Variants in FAAH2 observed in about 807,000 individuals in gnomAD.
FAAH2 encodes the protein fatty acid amide hydrolase 2, also known as fatty-acid amide hydrolase 2.
FAAH2 carries 60 observed loss-of-function variants against 36.9 expected under a neutral mutation model. The ratio of observed to expected loss-of-function variants is 1.63; its 90% CI spans 1.32 to 2.02. The LOEUF (loss-of-function observed/expected upper bound fraction) is 2.02, where lower values mean the gene tolerates loss of function less well. Among genes scored for constraint, FAAH2 ranks in the 30% most tolerant of loss-of-function variants. The pLI, the probability that FAAH2 is intolerant of heterozygous loss-of-function variation, is 0.00. For synonymous variants in FAAH2, 214 were observed against 143.8 expected (o/e 1.49, Z -3.49); for missense variants, 689 against 397.5 (o/e 1.73, Z -6.23).
At position 57,378,669 on chromosome X, in the gene FAAH2, G is replaced by T. The variant is rs139284839; in HGVS notation, c.761G>T (p.Gly254Val). Residue 254 changes from glycine (G) to valine (V), a missense_variant, in exon 6 of 11, where the codon GGT becomes GTT. Transcript: ENST00000374900. ...KPSPGVVPNK[G>V]QFPLAVGAQE... ...CTTTCAGGTGTGGTTCCCAACAAAG[G>T]TCAGTTTCCCTTGGCTGTGGGAGCC... The T allele has an allele frequency of 3.3e-6, 4 of 1,209,353 alleles. No individual in the cohort carries two copies. In the African/African-American group the frequency reaches 7.0e-5, roughly 21 times the overall value.
chrX:57,354,774 G>A (rs2054119218), intron 5 of FAAH2, among the ~76,000 whole-genome samples: 1 of 110,464 alleles, frequency 9.1e-6, no homozygotes. Context: ...TTGCTAATGA[G>A]ATTCTAGGTA....
At chrX:57,406,917 G>A (rs1484015919) in intron 7 of FAAH2, among the ~76,000 whole-genome samples, 3 of 112,821 alleles carry the variant, frequency 2.7e-5, no homozygotes, top group Non-Finnish European at 5.6e-5. Context: ...AAAAGCCTTG[G>A]CTGCATCTGT....
the FAAH2 span, among the ~76,000 whole-genome samples, chrX:57,261,894 G>T: frequency 9.0e-6 from 1 of 111,273 alleles, no homozygotes; most frequent in South Asian, 3.7e-4. Flanking sequence ...TTGCAAGAAA[G>T]AAATTAGAAT....
At chrX:57,227,199 C>T in the FAAH2 span, among the ~76,000 whole-genome samples, 2 of 110,510 alleles carry the variant, frequency 1.8e-5, no homozygotes, top group South Asian at 3.9e-4. Flanking sequence ...CTGGTGAACT[C>T]GGGTCGGGGG....
intron 10 of FAAH2, among the ~76,000 whole-genome samples, chrX:57,451,516 G>T (rs1237378728): frequency 9.0e-6 from 1 of 111,634 alleles, no homozygotes; most frequent in Non-Finnish European, 1.9e-5. Context: ...AGAAAACAAA[G>T]GAAGGCTTTC....
chrX:57,317,118 C>A (rs931086993), intron 3 of FAAH2, among the ~76,000 whole-genome samples: 1 of 111,389 alleles, frequency 9.0e-6, no homozygotes, highest in Non-Finnish European at 1.9e-5. Context: ...AGACAAGTGG[C>A]CAACAAATAT....
intron 5 of FAAH2, among the ~76,000 whole-genome samples, chrX:57,364,027 T>C (rs1452982028): frequency 1.1e-5 from 1 of 93,764 alleles, no homozygotes; most frequent in Non-Finnish European, 2.1e-5. Context: ...TTTTTTTTTT[T>C]TTTTTTGTAT....
chrX:57,283,948 G>A, upstream of FAAH2, among the ~76,000 whole-genome samples: 1 of 112,030 alleles, frequency 8.9e-6, no homozygotes, highest in Non-Finnish European at 1.9e-5. Context: ...GAGCAGCGGA[G>A]GTGGGGACAC....
At chrX:57,267,955 G>C in the FAAH2 span, among the ~76,000 whole-genome samples, 1 of 112,527 alleles carries the variant, frequency 8.9e-6, no homozygotes, top group Non-Finnish European at 1.9e-5. Context: ...GCCTCCAAAT[G>C]ACCACATTCA....
chrX:57,471,739 C>A (rs2057170851), intron 10 of FAAH2, among the ~76,000 whole-genome samples: 1 of 111,752 alleles, frequency 8.9e-6, no homozygotes, highest in African/African-American at 3.3e-5. Flanking sequence ...TTGGAAAAAA[C>A]TACTTTAAAG....
chrX:57,487,121 A>G (rs2057488544), intron 10 of FAAH2, among the ~76,000 whole-genome samples: 1 of 111,341 alleles, frequency 9.0e-6, no homozygotes, highest in Admixed American at 9.6e-5. Flanking sequence ...CACCCACCGT[A>G]TACAAAAACT....
rs1009616466 is a variant in FAAH2, at chrX:57,462,130, C to G, written c.1423+13412C>G. On this transcript the variant is annotated intron_variant, in intron 10 of 10. Transcript: ENST00000374900. Reference sequence around the variant, plus strand: ...GTCACATCCCTGAATAGACCAATAACAAGTTCTGAAATTAAGGCAGTAATT... The same window carrying G: ...GTCACATCCCTGAATAGACCAATAAGAAGTTCTGAAATTAAGGCAGTAATT... Among the ~76,000 whole-genome samples the G allele has an allele frequency of 1.9e-4, 12 of 64,000 alleles. No individual in the cohort carries two copies. In the Admixed American group the frequency reaches 2.5e-3, roughly 13 times the overall value. The allele number at this position is 64,000 out of a possible 115,157, so 55.6% of individuals were successfully genotyped here.
intron 5 of FAAH2, among the ~76,000 whole-genome samples, chrX:57,364,014 T>G (rs2054350103): frequency 2.3e-5 from 2 of 88,224 alleles, no homozygotes; most frequent in Non-Finnish European, 4.5e-5. Context: ...GTAGGGTTTT[T>G]TTTTTTTTTT....
intron 9 of FAAH2, among the ~76,000 whole-genome samples, chrX:57,448,032 C>T (rs191990898): frequency 1.8e-5 from 2 of 111,785 alleles, no homozygotes; most frequent in Admixed American, 1.9e-4. Context: ...CTTTGATGTC[C>T]AGGCTGGAGT....
chrX:57,260,611 GA>G, the FAAH2 span, among the ~76,000 whole-genome samples: 1 of 111,651 alleles, frequency 9.0e-6, no homozygotes, highest in Non-Finnish European at 1.9e-5. Context: ...ATGTAAATGA[GA>G]AAATGGCAAA....
the FAAH2 span, among the ~76,000 whole-genome samples, chrX:57,236,438 G>T: frequency 7.1e-5 from 8 of 112,147 alleles, no homozygotes; most frequent in Admixed American, 7.6e-4. Flanking sequence ...TAATGGCCAG[G>T]CTAGTCTACA....
intron 10 of FAAH2, among the ~76,000 whole-genome samples, chrX:57,468,256 T>C (rs1419332337): frequency 8.9e-6 from 1 of 111,852 alleles, no homozygotes; most frequent in Non-Finnish European, 1.9e-5. Context: ...AGAATGACTT[T>C]GACGAGTTGA....
chrX:57,437,029 C>T (rs976331360), intron 8 of FAAH2, among the ~76,000 whole-genome samples: 21 of 110,587 alleles, frequency 1.9e-4, no homozygotes, highest in Admixed American at 1.1e-3. Flanking sequence ...AAAGATAATA[C>T]GCCATAAACA....
chrX:57,250,527 T>C, the FAAH2 span, among the ~76,000 whole-genome samples: 2 of 111,161 alleles, frequency 1.8e-5, no homozygotes, highest in African/African-American at 3.3e-5. Context: ...CCAAAAAAAA[T>C]AGTGCGTTTG....
Sources: gnomAD v4.1 joint callset for allele counts (sites outside exome capture counted in the v4.1 genomes callset) on GRCh38, gnomAD v4.1.1 for gene constraint, MANE v1.5 for transcripts, NCBI Gene and HGNC (gene_info 2026-07-23, HGNC 2026-07-21) for gene names.